Variants in CTNNA3 observed in about 807,000 individuals in gnomAD.
CTNNA3 encodes catenin alpha-3.
A neutral mutation model predicts 95.7 loss-of-function variants in CTNNA3; 76 were observed. The ratio of observed to expected loss-of-function variants is 0.79; its 90% CI spans 0.66 to 0.96. CTNNA3 has a LOEUF of 0.96. CTNNA3 is among the 40% of genes least tolerant of loss of function. CTNNA3 has a pLI of 0.00. For missense variants in CTNNA3, 1,191 were observed against 1,089.8 expected (o/e 1.09, Z -1.31); for synonymous variants, 431 against 374.4 (o/e 1.15, Z -1.74).
At chr10:66,925,730 G>A (rs892274160) in intron 7 of CTNNA3, among the ~76,000 whole-genome samples, 1 of 152,118 alleles carries the variant, frequency 6.6e-6, no homozygotes, top group Non-Finnish European at 1.5e-5. Context: ...ATTGACGTTC[G>A]GTCTGTGAAC....
chr10:66,401,289 G>A (rs1166461704), intron 11 of CTNNA3, among the ~76,000 whole-genome samples: 5 of 152,018 alleles, frequency 3.3e-5, no homozygotes, highest in Non-Finnish European at 5.9e-5. Flanking sequence ...CACGCTGGGA[G>A]GCTGAGGCAG....
intron 12 of CTNNA3, among the ~76,000 whole-genome samples, chr10:66,284,147 C>T (rs1376061939): frequency 6.6e-6 from 1 of 151,858 alleles, no homozygotes; most frequent in Non-Finnish European, 1.5e-5. Flanking sequence ...GTCTATTTTA[C>T]ACAGCCAAAT....
intron 14 of CTNNA3, among the ~76,000 whole-genome samples, chr10:66,099,989 T>C (rs1031483340): frequency 2.6e-5 from 4 of 152,158 alleles, no homozygotes; most frequent in Admixed American, 6.5e-5. Context: ...AATATTAATA[T>C]AGCAAATTTA....
chr10:66,641,688 T>A (rs1845521813), intron 9 of CTNNA3, among the ~76,000 whole-genome samples: 1 of 152,144 alleles, frequency 6.6e-6, no homozygotes, highest in Non-Finnish European at 1.5e-5. Context: ...GAGAGAAACA[T>A]CTCTTAATAT....
rs1247232734 is a variant in CTNNA3 at position 66,178,295 on chromosome 10, A to G, written c.1885-75046T>C. The stretch of plus-strand genomic sequence containing the variant: ...ATACAATTAAAAACCTTGAAATGAA[A>G]GTGTATATGTATGTGTATATATTAC... On this transcript the variant is annotated intron_variant, in intron 13 of 17. Coordinates refer to ENST00000433211, the MANE Select transcript of CTNNA3 (RefSeq NM_013266.4). Among the ~76,000 whole-genome samples, 14 of 150,156 alleles carry G rather than the reference A, an allele frequency of 9.3e-5. No individual in the cohort carries two copies. In the South Asian group the frequency reaches 2.9e-3, roughly 31 times the overall value.
At chr10:66,098,955 T>A (rs1445217037) in intron 14 of CTNNA3, 1 of 152,230 alleles carries the variant, frequency 6.6e-6, no homozygotes, top group African/African-American at 2.4e-5. Flanking sequence ...TATATGTTAG[T>A]TACAGACCTT....
rs1380412561 is a variant in CTNNA3 at position 66,762,244 on chromosome 10, ATGAACACATTTGTCATTAAT to A, written c.1281+4000_1281+4019del. 1.2e-4 allele frequency among the ~76,000 whole-genome samples: 19 copies of A among 152,262 alleles called. No homozygotes were observed. The East Asian group carries it at 3.3e-3, about 26-fold the overall frequency. The stretch of plus-strand genomic sequence containing the variant: ...GTGAGATCAAAGTACTGGGGAGGAT[ATGAACACATTTGTCATTAAT>A]TGAACACATTTGTCATTCATTGCTA... On this transcript the variant is annotated intron_variant, in intron 9 of 17. Transcript: ENST00000433211.
intron 5 of CTNNA3, among the ~76,000 whole-genome samples, chr10:67,304,969 A>G (rs1251204473): frequency 6.6e-6 from 1 of 151,954 alleles, no homozygotes; most frequent in African/African-American, 2.4e-5. Flanking sequence ...AAAAGGTATA[A>G]AGGCATTAGA....
At chr10:66,029,813 T>C (rs892728205) in intron 15 of CTNNA3, among the ~76,000 whole-genome samples, 1 of 152,158 alleles carries the variant, frequency 6.6e-6, no homozygotes, top group Admixed American at 6.6e-5. Context: ...TAGATAAACA[T>C]ACAAATAAAT....
chr10:66,199,765 C>CCATATATATA (rs1410081168), intron 13 of CTNNA3, among the ~76,000 whole-genome samples: 6 of 30,724 alleles, frequency 2.0e-4, no homozygotes, highest in African/African-American at 5.3e-4. Context: ...CCACGCCTGG[C>CCATATATATA]TATATATATA....
intron 2 of CTNNA3, among the ~76,000 whole-genome samples, chr10:67,616,397 G>C (rs1487382351): frequency 6.6e-6 from 1 of 152,222 alleles, no homozygotes; most frequent in East Asian, 1.9e-4. Flanking sequence ...AAACAGACTA[G>C]GCAAGGATGG....
chr10:67,655,060 C>T (rs1439634484), intron 1 of CTNNA3, among the ~76,000 whole-genome samples: 3 of 152,182 alleles, frequency 2.0e-5, no homozygotes, highest in African/African-American at 7.2e-5. Flanking sequence ...GACCTTCTCC[C>T]ATGTTTTCTC....
At chr10:66,102,124 C>T (rs920425097) in intron 14 of CTNNA3, among the ~76,000 whole-genome samples, 1 of 152,026 alleles carries the variant, frequency 6.6e-6, no homozygotes, top group African/African-American at 2.4e-5. Flanking sequence ...AGTGCTTCAA[C>T]ATCAGATACA....
chr10:67,441,260 AAG>A (rs527986376), intron 5 of CTNNA3, among the ~76,000 whole-genome samples: 3,693 of 148,912 alleles, frequency 0.025, 147 homozygotes, highest in African/African-American at 0.082. Context: ...ACAGTGAGAG[AAG>A]ACAAAAAAAA....
intron 13 of CTNNA3, among the ~76,000 whole-genome samples, chr10:66,170,784 T>C (rs563815346): frequency 1.2e-4 from 18 of 149,326 alleles, no homozygotes; most frequent in African/African-American, 3.9e-4. Flanking sequence ...TAGGAACATA[T>C]GAAGGCAAGA....
rs1433887871 is a variant in CTNNA3, at chr10:66,775,443, C to T, written c.1128+1G>A. On this transcript the variant is annotated splice_donor_variant, in intron 8 of 17. Transcript: ENST00000433211. LOFTEE classifies it high-confidence loss of function. ...GACTCCATATCTCTCTCTTCCCTCA[C>T]CTGTCTGCGAAGGTCTCTTGTCTTC... is the stretch of plus-strand genomic sequence containing the variant. 6.2e-7 allele frequency: 1 copy of T among 1,603,522 alleles called. No homozygotes were observed. The highest frequency in any genetic ancestry group is 1.3e-5 in the African/African-American group (1 of 74,710).
At chr10:66,214,738 G>T (rs1241196322) in intron 13 of CTNNA3, among the ~76,000 whole-genome samples, 2 of 152,092 alleles carry the variant, frequency 1.3e-5, no homozygotes, top group African/African-American at 4.8e-5. Context: ...TACTAACTTT[G>T]CCGTTTTAGT....
At chr10:66,362,892 A>G (rs976349455) in intron 12 of CTNNA3, among the ~76,000 whole-genome samples, 3 of 152,206 alleles carry the variant, frequency 2.0e-5, no homozygotes, top group Non-Finnish European at 4.4e-5. Context: ...TGTCATTAAG[A>G]TAACTATTAA....
chr10:66,894,554 T>C (rs1225871005), intron 7 of CTNNA3, among the ~76,000 whole-genome samples: 3 of 152,066 alleles, frequency 2.0e-5, no homozygotes, highest in East Asian at 3.9e-4. Flanking sequence ...CAACTTAATA[T>C]AGTATAAACA....
Sources: allele counts gnomAD v4.1 joint callset (sites outside exome capture counted in the v4.1 genomes callset), GRCh38; gene constraint gnomAD v4.1.1; transcripts MANE v1.5; gene names NCBI Gene and HGNC (gene_info 2026-07-23, HGNC 2026-07-21).